MYO3B: variants seen among roughly 807,000 people sequenced by gnomAD.
MYO3B encodes the protein myosin-IIIb.
Under a neutral mutation model 174.6 loss-of-function variants are expected in MYO3B, and 156 were observed. The observed-to-expected ratio is 0.89, with a 90% confidence interval of 0.78 to 1.02. MYO3B has a LOEUF of 1.02. MYO3B is among the 50% of genes least tolerant of loss of function. The pLI, the probability that MYO3B is intolerant of heterozygous loss-of-function variation, is 0.00. For synonymous variants in MYO3B, 563 were observed against 569.1 expected (o/e 0.99, Z 0.15); for missense variants, 1,632 against 1,639.4 (o/e 1.00, Z 0.08).
chr2:170,361,735 T>C (rs1317550827), intron 8 of MYO3B, among the ~76,000 whole-genome samples: 3 of 152,226 alleles, frequency 2.0e-5, no homozygotes, highest in Non-Finnish European at 4.4e-5. Context: ...TCTAACTTCA[T>C]GTCATTTGTT....
At chr2:170,479,219 G>A (rs1575046544) in intron 25 of MYO3B, among the ~76,000 whole-genome samples, 1 of 150,528 alleles carries the variant, frequency 6.6e-6, no homozygotes, top group East Asian at 2.0e-4. Flanking sequence ...GGGAAGCGGA[G>A]GTTGCAGTGA....
At chr2:170,526,428 T>A (rs1023675140) in intron 30 of MYO3B, among the ~76,000 whole-genome samples, 2 of 152,226 alleles carry the variant, frequency 1.3e-5, no homozygotes, top group Admixed American at 6.5e-5. Context: ...GCTCTAGAAT[T>A]GTAGACTAAA....
In MYO3B at chr2:170,261,082, G is replaced by T. The variant is rs1348848844; in HGVS notation, c.749+24946G>T. On this transcript the variant is annotated intron_variant, in intron 7 of 34. Transcript: ENST00000408978. Reference sequence around the variant, plus strand: ...CTTGTTGCCCAGGCTGGAGTGCAATGACACGATCTTGGCTCACCGCAAACT... The same window carrying T: ...CTTGTTGCCCAGGCTGGAGTGCAATTACACGATCTTGGCTCACCGCAAACT... Among the ~76,000 whole-genome samples the T allele has an allele frequency of 5.3e-5, 8 of 152,170 alleles. 1 individual carries two copies. Among genetic ancestry groups the T allele is most frequent in the Non-Finnish European group, 1.0e-4 (7 of 68,024 alleles).
In MYO3B at chr2:170,291,419, G is replaced by A. The variant is rs184103126; in HGVS notation, c.750-43966G>A. Among the ~76,000 whole-genome samples, 208 of 152,204 alleles carry A rather than the reference G, an allele frequency of 1.4e-3. 1 individual carries two copies. The highest frequency in any genetic ancestry group is 4.9e-3 in the African/African-American group (204 of 41,532). ...AACTATTATTGTTTTTGATAGATTT[G>A]TCTTTTTGGCTTCATACTAGAGTTA... On this transcript the variant is annotated intron_variant, in intron 7 of 34. Coordinates refer to ENST00000408978, the MANE Select transcript of MYO3B (RefSeq NM_138995.5).
At chr2:170,283,278 G>T (rs1194644361) in intron 7 of MYO3B, among the ~76,000 whole-genome samples, 1 of 152,162 alleles carries the variant, frequency 6.6e-6, no homozygotes, top group Admixed American at 6.6e-5. Context: ...AATGTGGACT[G>T]CTGGAGATCC....
In MYO3B at chr2:170,392,537, T is replaced by C. The variant is rs774604942; in HGVS notation, c.1791+42T>C. ...AGAGGAACTCAAGTGACAATATTCTTATATGAATGTGAGTAAAGATGTGGT... is the reference window on the plus strand; with the variant it reads ...AGAGGAACTCAAGTGACAATATTCTCATATGAATGTGAGTAAAGATGTGGT... On this transcript the variant is annotated intron_variant, in intron 16 of 34. Coordinates refer to ENST00000408978, the MANE Select transcript of MYO3B (RefSeq NM_138995.5). 4.4e-5 allele frequency: 55 copies of C among 1,250,772 alleles called. No individual in the cohort carries two copies. The Admixed American group carries it at 1.2e-3, about 27-fold the overall frequency. The allele number at this position is 1,250,772 out of a possible 1,614,324, so 77.5% of individuals were successfully genotyped here.
intron 7 of MYO3B, among the ~76,000 whole-genome samples, chr2:170,324,606 A>G (rs13413753): frequency 0.12 from 18,700 of 152,206 alleles, 2,558 homozygotes; most frequent in African/African-American, 0.34. Flanking sequence ...GCGTTGTAAC[A>G]TTCCTGGCCT....
At chr2:170,534,138 G>A (rs878903537) in intron 30 of MYO3B, among the ~76,000 whole-genome samples, 2 of 152,104 alleles carry the variant, frequency 1.3e-5, no homozygotes, top group Non-Finnish European at 2.9e-5. Context: ...GAAGGTTTGT[G>A]CCACCCTGTG....
chr2:170,613,587 CT>C (rs1246123569), intron 32 of MYO3B, among the ~76,000 whole-genome samples: 1 of 152,178 alleles, frequency 6.6e-6, no homozygotes, highest in Admixed American at 6.5e-5. Context: ...TGAGTGTCAA[CT>C]TGACTGGATT....
At chr2:170,441,995 C>T (rs908222162) in intron 22 of MYO3B, among the ~76,000 whole-genome samples, 1 of 152,154 alleles carries the variant, frequency 6.6e-6, no homozygotes, top group Non-Finnish European at 1.5e-5. Context: ...TTCACCCAGC[C>T]CCTATTCAAG....
intron 6 of MYO3B, among the ~76,000 whole-genome samples, chr2:170,229,307 C>A (rs988801797): frequency 3.9e-5 from 6 of 152,198 alleles, no homozygotes; most frequent in Non-Finnish European, 8.8e-5. Flanking sequence ...CAAGGTCAGC[C>A]AAGGATTAAT....
chr2:170,259,584 A>G (rs2093329881), intron 7 of MYO3B, among the ~76,000 whole-genome samples: 3 of 152,208 alleles, frequency 2.0e-5, no homozygotes, highest in Non-Finnish European at 4.4e-5. Flanking sequence ...CTTAGGACCT[A>G]AAACTATAAA....
intron 25 of MYO3B, among the ~76,000 whole-genome samples, chr2:170,477,219 C>A (rs983599247): frequency 6.6e-6 from 1 of 152,168 alleles, no homozygotes; most frequent in Non-Finnish European, 1.5e-5. Flanking sequence ...ATTCTCTTCA[C>A]TGATGGAAAG....
chr2:170,561,435 T>C (rs370418726), intron 32 of MYO3B, among the ~76,000 whole-genome samples: 6 of 152,238 alleles, frequency 3.9e-5, no homozygotes, highest in African/African-American at 1.4e-4. Flanking sequence ...TGGTCATCCA[T>C]GCTAATTTCC....
intron 22 of MYO3B, among the ~76,000 whole-genome samples, chr2:170,419,366 T>C (rs2094600948): frequency 6.6e-6 from 1 of 152,200 alleles, no homozygotes; most frequent in African/African-American, 2.4e-5. Context: ...GATCAAGTTG[T>C]CAGCAGGTTT....
chr2:170,372,385 A>G (rs1216436383), intron 9 of MYO3B, among the ~76,000 whole-genome samples: 2 of 152,160 alleles, frequency 1.3e-5, no homozygotes, highest in Middle Eastern at 6.3e-3. Context: ...TCTTTTTAAC[A>G]CTAACTACCT....
chr2:170,404,882 A>G (rs771034064), intron 20 of MYO3B, among the ~76,000 whole-genome samples: 28 of 152,184 alleles, frequency 1.8e-4, no homozygotes, highest in Non-Finnish European at 1.5e-5. Context: ...GGTTACTATT[A>G]TCTACAGGAT....
intron 32 of MYO3B, among the ~76,000 whole-genome samples, chr2:170,615,082 G>C (rs186640808): frequency 6.6e-6 from 1 of 151,880 alleles, no homozygotes; most frequent in South Asian, 2.1e-4. Flanking sequence ...TTTGTGTTTC[G>C]GTGTCACACT....
At chr2:170,394,225 C>T (rs1000667569) in intron 16 of MYO3B, among the ~76,000 whole-genome samples, 1 of 152,148 alleles carries the variant, frequency 6.6e-6, no homozygotes, top group African/African-American at 2.4e-5. Context: ...TATTTATACC[C>T]TACTGCTCAA....
Sources: allele counts gnomAD v4.1 joint callset (sites outside exome capture counted in the v4.1 genomes callset), GRCh38; gene constraint gnomAD v4.1.1; transcripts MANE v1.5; gene names NCBI Gene and HGNC (gene_info 2026-07-23, HGNC 2026-07-21).